DPYD: variants seen among roughly 807,000 people sequenced by gnomAD.
DPYD encodes dihydropyrimidine dehydrogenase, also known as dihydropyrimidine dehydrogenase [NADP(+)].
In DPYD, 109 loss-of-function variants were observed where a neutral mutation model predicts 116.2. The ratio of observed to expected loss-of-function variants is 0.94; its 90% confidence interval spans 0.80 to 1.10. DPYD has a LOEUF of 1.10. DPYD is among the 50% of genes least tolerant of loss of function. The probability of loss-of-function intolerance (pLI) is 0.00; values close to 1 mark genes in which losing one functional copy is unlikely to be tolerated. For synonymous variants in DPYD, 440 were observed against 432.0 expected (o/e 1.02, Z -0.23); for missense variants, 1,302 against 1,254.5 (o/e 1.04, Z -0.57).
At chr1:97,403,050 C>A (rs1180384183) in intron 14 of DPYD, among the ~76,000 whole-genome samples, 1 of 151,924 alleles carries the variant, frequency 6.6e-6, no homozygotes, top group East Asian at 1.9e-4. Flanking sequence ...TTAAGAGATA[C>A]TGGTCTATAG....
chr1:97,810,040 A>G (rs923787526), intron 3 of DPYD, among the ~76,000 whole-genome samples: 18 of 152,078 alleles, frequency 1.2e-4, no homozygotes, highest in Non-Finnish European at 2.4e-4. Context: ...TAATCACAGC[A>G]CTTTGGGAGG....
intron 18 of DPYD, among the ~76,000 whole-genome samples, chr1:97,239,187 C>G (rs1662151879): frequency 6.6e-6 from 1 of 152,086 alleles, no homozygotes; most frequent in African/African-American, 2.4e-5. Context: ...ATAAACTACA[C>G]AGAACATTCT....
At chr1:97,180,265 T>A (rs978690585) in intron 20 of DPYD, among the ~76,000 whole-genome samples, 1 of 152,142 alleles carries the variant, frequency 6.6e-6, no homozygotes, top group African/African-American at 2.4e-5. Context: ...TCAAAATGAC[T>A]CCTTTGTCTC....
chr1:97,583,169 C>T (rs1376633171), intron 10 of DPYD, among the ~76,000 whole-genome samples: 1 of 152,106 alleles, frequency 6.6e-6, no homozygotes, highest in African/African-American at 2.4e-5. Context: ...CGGGGTTTCA[C>T]TGTGTTAGCC....
intron 13 of DPYD, among the ~76,000 whole-genome samples, chr1:97,495,814 A>T (rs903382184): frequency 6.6e-6 from 1 of 152,102 alleles, no homozygotes. Context: ...TTTTAGATCT[A>T]ATTTTAGAAT....
At chr1:97,563,808 T>A (rs1652333154) in intron 11 of DPYD, among the ~76,000 whole-genome samples, 1 of 152,162 alleles carries the variant, frequency 6.6e-6, no homozygotes, top group Non-Finnish European at 1.5e-5. Flanking sequence ...TTGACCTCCA[T>A]CCTCATCACC....
At chr1:97,530,945 T>C (rs1390947435) in intron 12 of DPYD, among the ~76,000 whole-genome samples, 1 of 152,214 alleles carries the variant, frequency 6.6e-6, no homozygotes, top group Non-Finnish European at 1.5e-5. Context: ...AGTCCCTTGC[T>C]AATTTTTAAA....
intron 21 of DPYD, among the ~76,000 whole-genome samples, chr1:97,083,303 A>C (rs905130291): frequency 6.6e-6 from 1 of 152,128 alleles, no homozygotes; most frequent in Admixed American, 6.6e-5. Context: ...TAACATGAGA[A>C]TCTTGTTTGA....
At chr1:97,751,279 A>T (rs183504514) in intron 3 of DPYD, among the ~76,000 whole-genome samples, 1 of 148,832 alleles carries the variant, frequency 6.7e-6, no homozygotes, top group African/African-American at 2.5e-5. Flanking sequence ...GGGCTTTCAA[A>T]ATATATATAT....
At chr1:97,889,005 A>C (rs944201103) in intron 1 of DPYD, among the ~76,000 whole-genome samples, 3 of 152,024 alleles carry the variant, frequency 2.0e-5, no homozygotes, top group African/African-American at 7.2e-5. Flanking sequence ...AAAAATACAA[A>C]AATTAGCCAG....
chr1:97,696,742 T>C lies in DPYD; in HGVS notation c.680+2609A>G, dbSNP rs981269031. Reference sequence around the variant, plus strand: ...ATATATCTATAACAACTTTCCGTTCTTTTTAAAGCACAATTCTCATACTCT... The same window carrying C: ...ATATATCTATAACAACTTTCCGTTCCTTTTAAAGCACAATTCTCATACTCT... On this transcript the variant is annotated intron_variant, in intron 6 of 22. Transcript: ENST00000370192. Among the ~76,000 whole-genome samples the C allele has an allele frequency of 9.2e-5, 14 of 152,286 alleles. No individual in the cohort carries two copies. In the South Asian group the frequency reaches 2.9e-3, roughly 32 times the overall value.
chr1:97,106,730 C>T (rs529689170), intron 20 of DPYD, among the ~76,000 whole-genome samples: 74 of 152,236 alleles, frequency 4.9e-4, no homozygotes, highest in African/African-American at 1.8e-3. Context: ...ACACTACAAG[C>T]TTTCCTTGTT....
At chr1:97,440,865 T>G (rs1273784840) in intron 14 of DPYD, among the ~76,000 whole-genome samples, 2 of 152,214 alleles carry the variant, frequency 1.3e-5, no homozygotes, top group Non-Finnish European at 2.9e-5. Context: ...TAAAACAGTT[T>G]AACATTACGC....
At chr1:97,680,199 T>C (rs1660359873) in intron 7 of DPYD, among the ~76,000 whole-genome samples, 1 of 152,048 alleles carries the variant, frequency 6.6e-6, no homozygotes, top group Admixed American at 6.6e-5. Flanking sequence ...GTCTGTGAAG[T>C]AAGAGCTATA....
chr1:97,824,524 C>T (rs779341254), intron 3 of DPYD, among the ~76,000 whole-genome samples: 11 of 152,108 alleles, frequency 7.2e-5, no homozygotes, highest in South Asian at 2.1e-4. Flanking sequence ...TTACACTCAT[C>T]GCATTTCAGG....
intron 16 of DPYD, among the ~76,000 whole-genome samples, chr1:97,354,226 C>T (rs184497128): frequency 1.3e-5 from 2 of 152,284 alleles, no homozygotes; most frequent in Middle Eastern, 3.4e-3. Flanking sequence ...GGCATAGAGA[C>T]AGCTGAAAAG....
chr1:97,800,608 A>C (rs1371157993), intron 3 of DPYD, among the ~76,000 whole-genome samples: 1 of 151,932 alleles, frequency 6.6e-6, no homozygotes, highest in African/African-American at 2.4e-5. Context: ...CTTCCTCACC[A>C]GATAACCTTT....
At chr1:97,228,713 T>C (rs2100723978) in intron 19 of DPYD, among the ~76,000 whole-genome samples, 1 of 152,296 alleles carries the variant, frequency 6.6e-6, no homozygotes, top group East Asian at 1.9e-4. Flanking sequence ...TTCATTTTGT[T>C]GGTACACATT....
At chr1:97,525,227 C>A (rs1648965192) in intron 12 of DPYD, among the ~76,000 whole-genome samples, 1 of 152,128 alleles carries the variant, frequency 6.6e-6, no homozygotes, top group South Asian at 2.1e-4. Context: ...CTGATGATTC[C>A]TACTCAACAT....
Sources: allele counts gnomAD v4.1 joint callset (sites outside exome capture counted in the v4.1 genomes callset), GRCh38; gene constraint gnomAD v4.1.1; transcripts MANE v1.5; gene names NCBI Gene and HGNC (gene_info 2026-07-23, HGNC 2026-07-21).